TSNARE1: variants seen among roughly 807,000 people sequenced by gnomAD.
The protein encoded by TSNARE1 is t-SNARE domain containing 1, also known as t-SNARE domain-containing protein 1.
A neutral mutation model predicts 62.0 loss-of-function variants in TSNARE1; 49 were observed. The observed-to-expected ratio is 0.79, with a 90% CI of 0.63 to 1.00. TSNARE1 has a LOEUF of 1.00. TSNARE1 is among the 50% of genes least tolerant of loss of function. The probability of loss-of-function intolerance (pLI) is 0.00; values close to 1 mark genes in which losing one functional copy is unlikely to be tolerated. For synonymous variants in TSNARE1, 328 were observed against 294.4 expected (o/e 1.11, Z -1.17); for missense variants, 755 against 700.1 (o/e 1.08, Z -0.88).
chr8:142,309,017 G>A (rs547441735), intron 9 of TSNARE1, among the ~76,000 whole-genome samples: 75 of 152,224 alleles, frequency 4.9e-4, no homozygotes, highest in African/African-American at 1.7e-3. Context: ...GCCTTAAACC[G>A]CTCTTCATAG....
chr8:142,235,094 G>A (rs528968455), intron 12 of TSNARE1, among the ~76,000 whole-genome samples: 16 of 152,294 alleles, frequency 1.1e-4, no homozygotes, highest in African/African-American at 3.4e-4. Context: ...GCAGGCATTC[G>A]GGCACAGACT....
chr8:142,357,461 C>T (rs566496689), intron 1 of TSNARE1, among the ~76,000 whole-genome samples: 1 of 152,272 alleles, frequency 6.6e-6, no homozygotes, highest in East Asian at 1.9e-4. Flanking sequence ...TGGGGAGCTC[C>T]CTCTACTTCA....
rs771546991 is a variant in TSNARE1 at position 142,284,438 on chromosome 8, C to A, written c.1338G>T (p.Met446Ile). ...CAACAGCTTCTCCTTGCTCTGACAC[C>A]ATGGAGGCCAAGTCCTTGATGATCT... Reference protein sequence around the residue: ...VNQIIKDLASMVSEQGEAVDS... With the variant: ...VNQIIKDLASIVSEQGEAVDS... The change falls in exon 11 of 14, where the codon ATG (methionine) becomes ATT (isoleucine). Residue 446 changes from methionine to isoleucine, a missense_variant. By Grantham distance (10) the Met-to-Ile change is conservative. Transcript: ENST00000524325. 3 of 1,613,712 alleles carry A rather than the reference C, an allele frequency of 1.9e-6. No homozygotes were observed. The Admixed American group carries it at 5.0e-5, about 27-fold the overall frequency.
intron 13 of TSNARE1, among the ~76,000 whole-genome samples, chr8:142,216,030 C>G (rs576256822): frequency 1.3e-5 from 2 of 152,294 alleles, no homozygotes; most frequent in East Asian, 1.9e-4. Context: ...TGGCATCTGC[C>G]GGCTGAGTGG....
Position 142,288,105 on chromosome 8 carries a change from G to A in TSNARE1, c.1291-3620C>T, listed in dbSNP as rs375955634. On this transcript the variant is annotated intron_variant, in intron 10 of 13. Transcript: ENST00000524325. ...TCCCTGGGGGGAAGCATGGCTCCGA[G>A]CCCCTGCCCAGCCTGTGGGGATGCA... Among the ~76,000 whole-genome samples, 90 of 152,376 alleles carry A rather than the reference G, an allele frequency of 5.9e-4. No individual in the cohort carries two copies. The South Asian group carries it at 0.018, about 31-fold the overall frequency.
At chr8:142,295,915 T>C (rs1054028434) in intron 10 of TSNARE1, among the ~76,000 whole-genome samples, 1 of 147,800 alleles carries the variant, frequency 6.8e-6, no homozygotes, top group Admixed American at 6.7e-5. Flanking sequence ...GCGTCCATCC[T>C]GGGTGCCGGC....
At chr8:142,262,287 T>C (rs72687342) in intron 12 of TSNARE1, among the ~76,000 whole-genome samples, 25,765 of 152,016 alleles carry the variant, frequency 0.17, 2,485 homozygotes, top group Middle Eastern at 0.26. Flanking sequence ...ATTTGGGAAT[T>C]GGCAGCTTTA....
At chr8:142,365,602 G>GCACACACACACACACACACACA (rs1554674591) in intron 1 of TSNARE1, among the ~76,000 whole-genome samples, 2 of 144,404 alleles carry the variant, frequency 1.4e-5, no homozygotes, top group Non-Finnish European at 3.0e-5. Flanking sequence ...ACATGCACAC[G>GCACACACACACACACACACACA]CACACACACA....
intron 11 of TSNARE1, 38 bp from the exon 12 acceptor site, chr8:142,274,901 G>A: frequency 1.4e-6 from 2 of 1,481,000 alleles, no homozygotes; most frequent in East Asian, 2.7e-5. Flanking sequence ...TACAGATGGA[G>A]GCCCAGCCGC....
At chr8:142,309,245 ACT>A (rs1383304708) in intron 9 of TSNARE1, among the ~76,000 whole-genome samples, 1 of 150,694 alleles carries the variant, frequency 6.6e-6, no homozygotes, top group Non-Finnish European at 1.5e-5. Flanking sequence ...TCTCAATCCT[ACT>A]CTTTTTTTTC....
chr8:142,365,629 CACACAG>C (rs759163834), intron 1 of TSNARE1, among the ~76,000 whole-genome samples: 50 of 147,558 alleles, frequency 3.4e-4, no homozygotes, highest in Admixed American at 9.9e-4. Context: ...CACACACACA[CACACAG>C]AGAGAGAGAG....
intron 12 of TSNARE1, among the ~76,000 whole-genome samples, chr8:142,230,960 CA>C (rs1817084079): frequency 2.7e-5 from 3 of 109,152 alleles, no homozygotes; most frequent in African/African-American, 1.2e-4. Flanking sequence ...ACCCATCATC[CA>C]ACCATCCATC....
intron 12 of TSNARE1, among the ~76,000 whole-genome samples, chr8:142,235,297 G>A (rs1817350503): frequency 6.6e-6 from 1 of 152,100 alleles, no homozygotes; most frequent in Non-Finnish European, 1.5e-5. Flanking sequence ...GGTCCGGCAG[G>A]TGGCTGGATG....
chr8:142,325,394 G>A (rs566221192), intron 6 of TSNARE1, among the ~76,000 whole-genome samples: 12 of 152,322 alleles, frequency 7.9e-5, no homozygotes, highest in African/African-American at 2.9e-4. Context: ...TTTGAGCTCT[G>A]CATGGACAAT....
chr8:142,377,684 TGTGGGG>T (rs1836447557), intron 1 of TSNARE1, among the ~76,000 whole-genome samples: 1 of 152,152 alleles, frequency 6.6e-6, no homozygotes, highest in African/African-American at 2.4e-5. Flanking sequence ...AGACACAGCT[TGTGGGG>T]GTGCGAAGCA....
intron 12 of TSNARE1, among the ~76,000 whole-genome samples, chr8:142,246,782 C>T (rs1056230569): frequency 6.6e-6 from 1 of 152,214 alleles, no homozygotes; most frequent in Non-Finnish European, 1.5e-5. Flanking sequence ...GCCTGCTGTG[C>T]CTCTGCCTTC....
At chr8:142,382,077 T>A (rs897158066) in intron 1 of TSNARE1, among the ~76,000 whole-genome samples, 2 of 152,172 alleles carry the variant, frequency 1.3e-5, no homozygotes, top group African/African-American at 4.8e-5. Context: ...CCTGCCAGCA[T>A]CAGCCCTGTG....
At chr8:142,273,883 G>A (rs1228824503) in intron 12 of TSNARE1, 1 of 985,172 alleles carries the variant, frequency 1.0e-6, no homozygotes, top group East Asian at 1.1e-4. Flanking sequence ...CTGGGGATGT[G>A]GCTCCTCTCT....
At chr8:142,236,499 C>T (rs917345473) in intron 12 of TSNARE1, among the ~76,000 whole-genome samples, 1 of 146,080 alleles carries the variant, frequency 6.8e-6, no homozygotes, top group South Asian at 2.3e-4. Flanking sequence ...CATGAGAAAT[C>T]CCCCAAGTTG....
Sources: allele counts gnomAD v4.1 joint callset (sites outside exome capture counted in the v4.1 genomes callset), GRCh38; gene constraint gnomAD v4.1.1; transcripts MANE v1.5; gene names NCBI Gene and HGNC (gene_info 2026-07-23, HGNC 2026-07-21).